The following RNF216 variants were observed in gnomAD, a reference collection of about 807,000 sequenced individuals.
The protein encoded by RNF216 is ring finger protein 216.
Under a neutral mutation model 110.8 loss-of-function variants are expected in RNF216, and 72 were observed. That is an observed-to-expected ratio of 0.65 (90% confidence interval 0.54 to 0.79). The LOEUF (loss-of-function observed/expected upper bound fraction) is 0.79. Ranked by LOEUF, RNF216 falls within the 30% of genes least tolerant of loss-of-function variation. RNF216 has a pLI of 0.00. For synonymous variants in RNF216, 495 were observed against 407.5 expected (o/e 1.21, Z -2.59); for missense variants, 1,342 against 1,141.2 (o/e 1.18, Z -2.54).
intron 13 of RNF216, among the ~76,000 whole-genome samples, chr7:5,652,767 G>A (rs1314017600): frequency 6.6e-6 from 1 of 152,014 alleles, no homozygotes; most frequent in Non-Finnish European, 1.5e-5. Context: ...ACCAGCCTGG[G>A]CAACAGAGTG....
chr7:5,695,863 A>C (rs1162118419), intron 13 of RNF216, among the ~76,000 whole-genome samples: 1 of 152,262 alleles, frequency 6.6e-6, no homozygotes, highest in Non-Finnish European at 1.5e-5. Flanking sequence ...ACTTTTTACA[A>C]AACAAGGTAT....
At chr7:5,689,431 C>T (rs887406600) in intron 13 of RNF216, among the ~76,000 whole-genome samples, 11 of 150,612 alleles carry the variant, frequency 7.3e-5, no homozygotes, top group Admixed American at 1.3e-4. Context: ...GGAGGCAGGG[C>T]GCCTAGAAAC....
chr7:5,676,496 T>C (rs1458830399), intron 13 of RNF216, among the ~76,000 whole-genome samples: 4 of 152,174 alleles, frequency 2.6e-5, no homozygotes, highest in Admixed American at 1.3e-4. Flanking sequence ...TGCACCTGCA[T>C]TGAGTACTCA....
intron 3 of RNF216, among the ~76,000 whole-genome samples, chr7:5,742,799 T>C (rs901712093): frequency 4.6e-5 from 7 of 151,934 alleles, no homozygotes; most frequent in Admixed American, 2.0e-4. Context: ...TTTTGCCATG[T>C]TGGCCAGGCT....
intron 15 of RNF216, among the ~76,000 whole-genome samples, chr7:5,625,769 A>G (rs138463937): frequency 6.4e-4 from 98 of 152,374 alleles, no homozygotes; most frequent in African/African-American, 2.3e-3. Context: ...AAGTAATTAG[A>G]TAACACATTC....
chr7:5,648,971 T>C (rs917776332), intron 14 of RNF216, among the ~76,000 whole-genome samples: 1 of 152,146 alleles, frequency 6.6e-6, no homozygotes, highest in Non-Finnish European at 1.5e-5. Flanking sequence ...TCAATTTTAG[T>C]TTTGTTAGTG....
chr7:5,663,672 G>A (rs567763950), intron 13 of RNF216, among the ~76,000 whole-genome samples: 180 of 150,506 alleles, frequency 1.2e-3, no homozygotes, highest in Admixed American at 1.7e-3. Flanking sequence ...AGGCTGAGGC[G>A]GGCAGGTCAC....
In RNF216 at chr7:5,715,150, A is replaced by G. The variant is rs1369141525; in HGVS notation, c.1736T>C (p.Phe579Ser). 1 of 1,613,860 alleles carries G rather than the reference A, an allele frequency of 6.2e-7. No individual in the cohort carries two copies. The highest frequency in any genetic ancestry group is 1.1e-5 in the South Asian group (1 of 91,082). ...GCACTGCGTCAGCTCCTCGAATGGA[A>G]ATTCCCCATAGCAGCAGCGACACTC... ...LIECRCCYGE[F>S]PFEELTQCAD... Residue 579 changes from phenylalanine to serine, a missense_variant, in exon 11 of 17, where the codon TTT becomes TCT. Phe to Ser is a radical substitution (Grantham distance 155). Transcript: ENST00000389902.
At chr7:5,737,662 T>A (rs1794506666) in intron 5 of RNF216, among the ~76,000 whole-genome samples, 1 of 152,078 alleles carries the variant, frequency 6.6e-6, no homozygotes, top group Non-Finnish European at 1.5e-5. Flanking sequence ...AGTACCTACA[T>A]TGGGCTAAGC....
At chr7:5,704,503 A>G (rs1485050425) in intron 13 of RNF216, among the ~76,000 whole-genome samples, 3 of 152,270 alleles carry the variant, frequency 2.0e-5, no homozygotes, top group Non-Finnish European at 2.9e-5. Flanking sequence ...TGGACTTCTT[A>G]GATAAAGTCT....
chr7:5,717,301 C>G (rs371634763), intron 9 of RNF216, among the ~76,000 whole-genome samples: 1 of 152,128 alleles, frequency 6.6e-6, no homozygotes, highest in Non-Finnish European at 1.5e-5. Context: ...TGCAGTGAGC[C>G]GAAATCGCAC....
At chr7:5,672,639 G>A (rs527305185) in intron 13 of RNF216, among the ~76,000 whole-genome samples, 7 of 152,254 alleles carry the variant, frequency 4.6e-5, no homozygotes, top group Admixed American at 1.3e-4. Context: ...GGTACCCGAC[G>A]ATAAAGACTC....
chr7:5,664,192 T>A (rs1789356075), intron 13 of RNF216, among the ~76,000 whole-genome samples: 1 of 152,206 alleles, frequency 6.6e-6, no homozygotes, highest in African/African-American at 2.4e-5. Context: ...AGCGTATCTA[T>A]CTCCTCTCTG....
intron 7 of RNF216, 54 bp from the exon 8 acceptor site, chr7:5,725,492 C>A: frequency 9.8e-7 from 1 of 1,018,194 alleles, no homozygotes; most frequent in Admixed American, 1.8e-5. Flanking sequence ...TAAGAATACA[C>A]GAGACAGGCA....
chr7:5,645,237 G>A (rs866696398), intron 14 of RNF216, among the ~76,000 whole-genome samples: 1 of 152,288 alleles, frequency 6.6e-6, no homozygotes, highest in South Asian at 2.1e-4. Flanking sequence ...ATCCTACTTG[G>A]AATTCATTCA....
At position 5,761,134 on chromosome 7, in the gene RNF216, A is replaced by T; in HGVS notation, c.-65T>A. 1 of 1,006,368 alleles carries T rather than the reference A, an allele frequency of 9.9e-7. No individual in the cohort carries two copies. Among genetic ancestry groups the T allele is most frequent in the Non-Finnish European group, 1.5e-6 (1 of 673,820 alleles). The allele number at this position is 1,006,368 out of a possible 1,614,324, so 62.3% of individuals were successfully genotyped here. On this transcript the variant is annotated 5_prime_UTR_variant, in exon 2 of 17. Transcript: ENST00000389902. ...TAAACATGGTGACCATCTGTTTCAA[A>T]AGAACTGAAAAGGAAGCAAAGAGTA...
intron 13 of RNF216, among the ~76,000 whole-genome samples, chr7:5,670,358 G>A (rs772851811): frequency 6.6e-5 from 10 of 152,168 alleles, no homozygotes; most frequent in Non-Finnish European, 1.5e-4. Context: ...AGAGGACCCA[G>A]CCATGTGATA....
rs780901134 is a variant in RNF216 at position 5,741,144 on chromosome 7, C to T, written c.873G>A (p.Gln291=). 3.1e-6 allele frequency: 5 copies of T among 1,614,120 alleles called. 1 individual carries two copies. In the South Asian group the frequency reaches 5.5e-5, roughly 18 times the overall value. The part of the protein sequence containing the change: ...QGGISGPSSP[Q]PAHPLGEFED... ...CAAACTCTCCTAGAGGATGGGCAGGCTGAGGAGAAGAGGGGCCTGAAATCC... is the reference window on the plus strand; with the variant it reads ...CAAACTCTCCTAGAGGATGGGCAGGTTGAGGAGAAGAGGGGCCTGAAATCC... Residue 291 remains glutamine (Q), a synonymous_variant, in exon 4 of 17, where the codon CAG becomes CAA. Transcript: ENST00000389902.
At chr7:5,772,992 C>T (rs1198003312) in intron 1 of RNF216, among the ~76,000 whole-genome samples, 1 of 151,952 alleles carries the variant, frequency 6.6e-6, no homozygotes, top group Non-Finnish European at 1.5e-5. Flanking sequence ...GTTGGCCAGG[C>T]TAGTCTCGAA....
Sources: gnomAD v4.1 joint callset for allele counts (sites outside exome capture counted in the v4.1 genomes callset) on GRCh38, gnomAD v4.1.1 for gene constraint, MANE v1.5 for transcripts, NCBI Gene and HGNC (gene_info 2026-07-23, HGNC 2026-07-21) for gene names.